Variants in LRP1B observed in about 807,000 individuals in gnomAD.
The protein encoded by LRP1B is low-density lipoprotein receptor-related protein 1B.
LRP1B carries 217 observed loss-of-function variants against 556.6 expected under a neutral mutation model. That is an observed-to-expected ratio of 0.39 (90% CI 0.35 to 0.44). The LOEUF (loss-of-function observed/expected upper bound fraction) is 0.44, where lower values mean the gene tolerates loss of function less well. LRP1B is among the 20% of genes least tolerant of loss of function. The probability of loss-of-function intolerance (pLI) is 1.00; values close to 1 mark genes in which losing one functional copy is unlikely to be tolerated. For missense variants in LRP1B, 5,053 were observed against 5,620.8 expected (o/e 0.90, Z 3.23); for synonymous variants, 2,047 against 1,865.8 (o/e 1.10, Z -2.50).
chr2:141,586,708 C>G (rs553211216), intron 2 of LRP1B, among the ~76,000 whole-genome samples: 1 of 151,868 alleles, frequency 6.6e-6, no homozygotes, highest in Non-Finnish European at 1.5e-5. Flanking sequence ...TTTGGGAGGC[C>G]GAGGCGGGTG....
intron 7 of LRP1B, among the ~76,000 whole-genome samples, chr2:141,092,349 T>G (rs1028410803): frequency 4.6e-5 from 7 of 152,218 alleles, no homozygotes; most frequent in African/African-American, 1.7e-4. Flanking sequence ...GGGTTTTGGC[T>G]GACATCATGA....
chr2:142,051,813 T>A (rs1274257865), intron 1 of LRP1B, among the ~76,000 whole-genome samples: 1 of 152,154 alleles, frequency 6.6e-6, no homozygotes, highest in African/African-American at 2.4e-5. Flanking sequence ...AAATGCACGC[T>A]GGATTTCTGG....
intron 2 of LRP1B, among the ~76,000 whole-genome samples, chr2:141,508,290 A>G (rs1237995052): frequency 6.6e-6 from 1 of 152,122 alleles, no homozygotes; most frequent in Non-Finnish European, 1.5e-5. Context: ...TACAGAAGGT[A>G]TTTGACTCAT....
At chr2:140,582,033 C>A (rs1217889155) in intron 43 of LRP1B, among the ~76,000 whole-genome samples, 1 of 151,956 alleles carries the variant, frequency 6.6e-6, no homozygotes, top group Non-Finnish European at 1.5e-5. Context: ...GATTCTCATG[C>A]GAATTATCTC....
intron 2 of LRP1B, among the ~76,000 whole-genome samples, chr2:141,762,598 G>A (rs1312895465): frequency 6.6e-6 from 1 of 152,048 alleles, no homozygotes; most frequent in Admixed American, 6.5e-5. Flanking sequence ...AAACAAGGCA[G>A]GAAGGATGTT....
At chr2:140,253,397 G>T (rs1573688747) in intron 86 of LRP1B, among the ~76,000 whole-genome samples, 1 of 151,972 alleles carries the variant, frequency 6.6e-6, no homozygotes, top group African/African-American at 2.4e-5. Context: ...AGGTGGCCAT[G>T]AAAGAAATAA....
At chr2:141,957,217 C>G (rs896766918) in intron 1 of LRP1B, among the ~76,000 whole-genome samples, 2 of 151,878 alleles carry the variant, frequency 1.3e-5, no homozygotes, top group African/African-American at 2.4e-5. Flanking sequence ...GTTTGAATGA[C>G]GAGACAACTC....
chr2:141,105,409 C>A (rs952779735), intron 7 of LRP1B, among the ~76,000 whole-genome samples: 5 of 151,948 alleles, frequency 3.3e-5, no homozygotes, highest in African/African-American at 1.2e-4. Context: ...TTTACTCTTA[C>A]CATTTGTGAG....
At chr2:141,513,891 A>T (rs10176693) in intron 2 of LRP1B, among the ~76,000 whole-genome samples, 148,366 of 152,224 alleles carry the variant, frequency 0.97, 72,417 homozygotes, top group East Asian at 1. Context: ...CATCTCCCCA[A>T]AAAATGGTCA....
At chr2:141,036,913 A>C (rs1698550328) in intron 11 of LRP1B, among the ~76,000 whole-genome samples, 1 of 152,158 alleles carries the variant, frequency 6.6e-6, no homozygotes, top group Admixed American at 6.6e-5. Flanking sequence ...TCTCCTGCCC[A>C]AAACTCCCCT....
intron 41 of LRP1B, among the ~76,000 whole-genome samples, chr2:140,654,732 T>C (rs910802102): frequency 6.6e-6 from 1 of 152,196 alleles, no homozygotes; most frequent in Non-Finnish European, 1.5e-5. Flanking sequence ...AGAGAAATTA[T>C]GCTTACTCAT....
At chr2:141,055,086 G>C (rs190790010) in intron 10 of LRP1B, 30 bp downstream of exon 10, 4 of 1,609,406 alleles carry the variant, frequency 2.5e-6, no homozygotes, top group Non-Finnish European at 3.4e-6. Flanking sequence ...AGGGGTAGCT[G>C]CTGGCAAATG....
chr2:140,237,408 T>C (rs546277787), intron 89 of LRP1B, among the ~76,000 whole-genome samples: 2 of 151,134 alleles, frequency 1.3e-5, no homozygotes, highest in South Asian at 4.1e-4. Context: ...AGGTTGATTC[T>C]ATATCTTGGC....
rs1209401630 is a variant in LRP1B, at chr2:140,356,583, C to T, written c.11396-107G>A. Reference sequence around the variant, plus strand: ...GGTATTTATTATTCCACAGATAACTCTTTTTGAATGTACAAGGTTACGGTC... The same window carrying T: ...GGTATTTATTATTCCACAGATAACTTTTTTTGAATGTACAAGGTTACGGTC... On this transcript the variant is annotated intron_variant, in intron 74 of 90. Transcript: ENST00000389484. 5.6e-6 allele frequency: 4 copies of T among 720,286 alleles called. No individual in the cohort carries two copies. In the East Asian group the frequency reaches 8.2e-5, roughly 15 times the overall value. 44.6% of individuals were successfully genotyped at this position (720,286 alleles called of 1,614,324 possible).
Position 141,913,562 on chromosome 2 carries a change from T to C in LRP1B, c.83-103161A>G, listed in dbSNP as rs535914845. 8.5e-5 allele frequency among the ~76,000 whole-genome samples: 13 copies of C among 152,174 alleles called. No individual in the cohort carries two copies. In the South Asian group the frequency reaches 2.1e-3, roughly 24 times the overall value. On this transcript the variant is annotated intron_variant, in intron 1 of 90. Coordinates refer to ENST00000389484, the MANE Select transcript of LRP1B (RefSeq NM_018557.3). ...TTTTGAAACTGGTCCCTGGAGTTTC[T>C]TCCTACCTCATCTTAGCAGAAGAAA...
At position 141,726,590 on chromosome 2, in the gene LRP1B, G is replaced by T. The variant is rs894220186; in HGVS notation, c.205+83689C>A. ...GAGCAAGACTGGAAATTACTCCCCA[G>T]TAACATCAATCCTTGGTATATTAAT... On this transcript the variant is annotated intron_variant, in intron 2 of 90. Coordinates refer to ENST00000389484, the MANE Select transcript of LRP1B (RefSeq NM_018557.3). Among the ~76,000 whole-genome samples, 7 of 152,090 alleles carry T rather than the reference G, an allele frequency of 4.6e-5. No individual in the cohort carries two copies. In the East Asian group the frequency reaches 1.2e-3, roughly 25 times the overall value.
intron 23 of LRP1B, among the ~76,000 whole-genome samples, chr2:140,896,145 A>G (rs1314437752): frequency 2.0e-5 from 3 of 152,150 alleles, no homozygotes; most frequent in African/African-American, 4.8e-5. Context: ...AAAGAAATCA[A>G]TACTTCAGAG....
In LRP1B at chr2:140,365,121, T is replaced by C. The variant is rs974659503; in HGVS notation, c.11009-338A>G. Among the ~76,000 whole-genome samples, 25 of 151,644 alleles carry C rather than the reference T, an allele frequency of 1.6e-4. No individual in the cohort carries two copies. In the Admixed American group the frequency reaches 1.6e-3, roughly 10 times the overall value. ...ATACACAGAAATTTATATTTTTTAG[T>C]TTTAATTGTAATTATTTAAAATTTG... On this transcript the variant is annotated intron_variant, in intron 71 of 90. Coordinates refer to ENST00000389484, the MANE Select transcript of LRP1B (RefSeq NM_018557.3).
chr2:140,947,694 G>A lies in LRP1B; in HGVS notation c.3136+2541C>T, dbSNP rs1181245195. ...AGTTCCACTTGAAATCCTTTGAATTGTCTTTTACCAAAGTCATCCTGGAAT... is the reference window on the plus strand; with the variant it reads ...AGTTCCACTTGAAATCCTTTGAATTATCTTTTACCAAAGTCATCCTGGAAT... On this transcript the variant is annotated intron_variant, in intron 20 of 90. Transcript: ENST00000389484. Among the ~76,000 whole-genome samples the A allele has an allele frequency of 2.6e-5, 4 of 152,204 alleles. No homozygotes were observed. The East Asian group carries it at 5.8e-4, about 22-fold the overall frequency.
Sources: gnomAD v4.1 joint callset for allele counts (sites outside exome capture counted in the v4.1 genomes callset) on GRCh38, gnomAD v4.1.1 for gene constraint, MANE v1.5 for transcripts, NCBI Gene and HGNC (gene_info 2026-07-23, HGNC 2026-07-21) for gene names.